The following KCNH8 variants were observed in gnomAD, a reference collection of about 807,000 sequenced individuals.
KCNH8 encodes potassium voltage-gated channel subfamily H member 8.
In KCNH8, 70 loss-of-function variants were observed where a neutral mutation model predicts 103.6. That is an observed-to-expected ratio of 0.68 (90% confidence interval 0.56 to 0.82). The LOEUF is 0.82. Ranked by LOEUF, KCNH8 falls within the 40% of genes least tolerant of loss-of-function variation. The probability of loss-of-function intolerance (pLI) is 0.00; values close to 1 mark genes in which losing one functional copy is unlikely to be tolerated. For synonymous variants in KCNH8, 498 were observed against 489.4 expected (o/e 1.02, Z -0.23); for missense variants, 1,217 against 1,329.9 (o/e 0.92, Z 1.32).
At chr3:19,501,627 C>G (rs1213247651) in intron 11 of KCNH8, among the ~76,000 whole-genome samples, 2 of 152,162 alleles carry the variant, frequency 1.3e-5, no homozygotes, top group Non-Finnish European at 2.9e-5. Context: ...TCAACATACG[C>G]AAATCAATAA....
chr3:19,415,638 T>G (rs2066852771), intron 7 of KCNH8, among the ~76,000 whole-genome samples: 1 of 152,046 alleles, frequency 6.6e-6, no homozygotes, highest in African/African-American at 2.4e-5. Context: ...GTAAGATATG[T>G]ACAAGTGTAC....
chr3:19,177,009 T>G (rs532730148), intron 1 of KCNH8, among the ~76,000 whole-genome samples: 1 of 152,258 alleles, frequency 6.6e-6, no homozygotes, highest in South Asian at 2.1e-4. Context: ...TAACTCATGC[T>G]TGAACAAAGC....
At chr3:19,313,567 T>A (rs1436663167) in intron 3 of KCNH8, among the ~76,000 whole-genome samples, 1 of 151,900 alleles carries the variant, frequency 6.6e-6, no homozygotes, top group Non-Finnish European at 1.5e-5. Flanking sequence ...CCATCTGAAC[T>A]CACCAGAGCC....
chr3:19,473,172 C>T (rs1312493606), intron 11 of KCNH8, among the ~76,000 whole-genome samples: 1 of 152,200 alleles, frequency 6.6e-6, no homozygotes, highest in Non-Finnish European at 1.5e-5. Flanking sequence ...TGTCCACTAA[C>T]ATAATCTGCC....
chr3:19,460,493 C>T (rs1373122603), intron 11 of KCNH8, among the ~76,000 whole-genome samples: 1 of 152,144 alleles, frequency 6.6e-6, no homozygotes. Flanking sequence ...ATCCCTTATG[C>T]TTTGGTTTAC....
At chr3:19,168,638 A>G (rs1156784743) in intron 1 of KCNH8, among the ~76,000 whole-genome samples, 1 of 152,200 alleles carries the variant, frequency 6.6e-6, no homozygotes. Context: ...ACTTGGGTAA[A>G]TGTGAACAGC....
intron 11 of KCNH8, among the ~76,000 whole-genome samples, chr3:19,493,066 A>C (rs193049108): frequency 6.6e-6 from 1 of 151,198 alleles, no homozygotes; most frequent in Non-Finnish European, 1.5e-5. Context: ...ATTTTTGTAC[A>C]TTGATTTTTG....
chr3:19,181,285 C>T (rs908025536), intron 1 of KCNH8, among the ~76,000 whole-genome samples: 1 of 152,016 alleles, frequency 6.6e-6, no homozygotes, highest in Non-Finnish European at 1.5e-5. Flanking sequence ...TTGCCCTTCT[C>T]CTGCTTTGTT....
intron 2 of KCNH8, among the ~76,000 whole-genome samples, chr3:19,268,489 A>T (rs1396509236): frequency 6.6e-6 from 1 of 152,054 alleles, no homozygotes; most frequent in Non-Finnish European, 1.5e-5. Flanking sequence ...AAGGTAGGTA[A>T]ACCAAGTTAG....
intron 1 of KCNH8, among the ~76,000 whole-genome samples, chr3:19,178,265 T>C (rs1156586879): frequency 6.7e-6 from 1 of 148,584 alleles, no homozygotes; most frequent in Non-Finnish European, 1.5e-5. Flanking sequence ...TCATTAGTCA[T>C]TTTAAGTTTT....
intron 1 of KCNH8, among the ~76,000 whole-genome samples, chr3:19,196,527 T>A (rs1390605673): frequency 6.6e-6 from 1 of 151,978 alleles, no homozygotes; most frequent in African/African-American, 2.4e-5. Flanking sequence ...CCTGGTTATG[T>A]TTATATGGAG....
At chr3:19,211,680 C>T (rs1250065904) in intron 1 of KCNH8, among the ~76,000 whole-genome samples, 1 of 152,088 alleles carries the variant, frequency 6.6e-6, no homozygotes, top group Non-Finnish European at 1.5e-5. Flanking sequence ...TAACACATAG[C>T]CAGCAGGCCT....
At chr3:19,295,341 G>A (rs2064982035) in intron 3 of KCNH8, among the ~76,000 whole-genome samples, 1 of 151,864 alleles carries the variant, frequency 6.6e-6, no homozygotes, top group Non-Finnish European at 1.5e-5. Context: ...CTGATAGCAT[G>A]CCACTGTGCT....
At chr3:19,311,856 AAC>A (rs2065212817) in intron 3 of KCNH8, among the ~76,000 whole-genome samples, 1 of 151,960 alleles carries the variant, frequency 6.6e-6, no homozygotes, top group Admixed American at 6.6e-5. Context: ...GAACTGAGTT[AAC>A]ACAGAGTCTT....
At chr3:19,279,436 C>T (rs570445151) in intron 2 of KCNH8, among the ~76,000 whole-genome samples, 20 of 152,122 alleles carry the variant, frequency 1.3e-4, no homozygotes, top group South Asian at 6.2e-4. Flanking sequence ...ACTTCCCTAT[C>T]GTTTCATGGC....
intron 1 of KCNH8, among the ~76,000 whole-genome samples, chr3:19,234,498 A>G (rs539680524): frequency 6.4e-4 from 97 of 152,314 alleles, no homozygotes; most frequent in African/African-American, 2.3e-3. Flanking sequence ...TAAGCCCCTC[A>G]CTGCCCCAGG....
intron 6 of KCNH8, among the ~76,000 whole-genome samples, chr3:19,394,855 AG>A (rs1467580748): frequency 6.6e-6 from 1 of 152,076 alleles, no homozygotes; most frequent in Non-Finnish European, 1.5e-5. Context: ...AGTGAAAAAA[AG>A]ATAACCCCTA....
chr3:19,390,693 G>A (rs2066424411), intron 6 of KCNH8, 55 bp downstream of exon 6: 2 of 1,535,034 alleles, frequency 1.3e-6, no homozygotes, highest in South Asian at 2.4e-5. Flanking sequence ...TTTATCGCAT[G>A]TTCAGGTTTT....
chr3:19,357,577 T>C (rs1257142690), intron 5 of KCNH8, among the ~76,000 whole-genome samples: 2 of 151,950 alleles, frequency 1.3e-5, no homozygotes, highest in Non-Finnish European at 2.9e-5. Context: ...AGAATGTCCT[T>C]TTTTACATCT....
Sources: gnomAD v4.1 joint callset for allele counts (sites outside exome capture counted in the v4.1 genomes callset) on GRCh38, gnomAD v4.1.1 for gene constraint, MANE v1.5 for transcripts, NCBI Gene and HGNC (gene_info 2026-07-23, HGNC 2026-07-21) for gene names.